The following KCNQ1OT1 variants were observed in gnomAD, a reference collection of about 807,000 sequenced individuals.
KCNQ1OT1 encodes KCNQ1 antisense RNA 2 (non-protein coding).
In KCNQ1OT1 at chr11:2,653,278, TG is replaced by T. The variant is rs1590008328; in HGVS notation, n.46716del. 5.0e-6 allele frequency: 2 copies of T among 398,732 alleles called. No homozygotes were observed. Among genetic ancestry groups the T allele is most frequent in the East Asian group, 3.6e-5 (1 of 28,080 alleles). 24.7% of individuals were successfully genotyped at this position (398,732 alleles called of 1,614,324 possible). On this transcript the variant is annotated non_coding_transcript_exon_variant, in exon 1 of 1. Coordinates refer to ENST00000597346, the Ensembl canonical transcript of KCNQ1OT1. This position sits in a 1 kb window ranked among gnomAD's most constrained non-coding sequence, Gnocchi z 5.3. ...CCCTGCCCTCTGCCCTGAAAACTAG[TG>T]GGGGCAGTGCAGACCAGTTTAGCTA...
chr11:2,699,196 G>A (rs1012833750), exon 1 of KCNQ1OT1: 6 of 398,584 alleles, frequency 1.5e-5, no homozygotes, highest in Non-Finnish European at 2.7e-5. Context: ...TCCGATCCTT[G>A]GGACGCGGCC....
At chr11:2,629,208 T>C (rs1451084004) in exon 1 of KCNQ1OT1, 2 of 398,284 alleles carry the variant, frequency 5.0e-6, no homozygotes, top group African/African-American at 4.1e-5. Context: ...GCAATATTTA[T>C]TCTATTGATC....
chr11:2,663,224 G>A lies in KCNQ1OT1; in HGVS notation n.36771C>T, dbSNP rs956950345. On this transcript the variant is annotated non_coding_transcript_exon_variant, in exon 1 of 1. Transcript: ENST00000597346. The surrounding 1 kb of genome is among the most constrained non-coding windows in gnomAD (Gnocchi z 5.2). ...GGTAGGGTGTGAAGAGGCTCCAAGG[G>A]AGCCAGCAGATCACTGGAAAGCAGG... 34 of 398,624 alleles carry A rather than the reference G, an allele frequency of 8.5e-5. No individual in the cohort carries two copies. Among genetic ancestry groups the A allele is most frequent in the Middle Eastern group, 6.2e-4 (1 of 1,610 alleles). 24.7% of individuals were successfully genotyped at this position (398,624 alleles called of 1,614,324 possible). A position where few individuals can be genotyped will look rare whatever the true frequency, so the allele number is the denominator to read the frequency against.
chr11:2,666,953 C>T, exon 1 of KCNQ1OT1: 1 of 398,760 alleles, frequency 2.5e-6, no homozygotes, highest in East Asian at 3.6e-5. Context: ...CACGAGATGC[C>T]AAGGAAGCCC....
chr11:2,644,506 A>C (rs1015294790), exon 1 of KCNQ1OT1: 2 of 398,218 alleles, frequency 5.0e-6, no homozygotes, highest in African/African-American at 4.1e-5. Flanking sequence ...TGTATAGTCT[A>C]TCAGATCTTC....
Position 2,687,375 on chromosome 11 carries a change from G to A in KCNQ1OT1, n.12620C>T, listed in dbSNP as rs1850508385. 5.0e-6 allele frequency: 2 copies of A among 398,710 alleles called. No homozygotes were observed. The highest frequency in any genetic ancestry group is 8.8e-6 in the Non-Finnish European group (2 of 226,116). 24.7% of individuals were successfully genotyped at this position (398,710 alleles called of 1,614,324 possible). On this transcript the variant is annotated non_coding_transcript_exon_variant, in exon 1 of 1. Coordinates refer to ENST00000597346, the Ensembl canonical transcript of KCNQ1OT1. The surrounding 1 kb of genome is among the most constrained non-coding windows in gnomAD (Gnocchi z 5.0). ...CAGGTCTGCCTTGGGCTGTCACTCA[G>A]GGCTGAGCTCTGCTGAAGGATCTGG...
chr11:2,615,190 TTGGG>T, exon 1 of KCNQ1OT1: 1 of 398,248 alleles, frequency 2.5e-6, no homozygotes, highest in Non-Finnish European at 4.4e-6. Flanking sequence ...GACTTCCTTC[TTGGG>T]CTGTTCATTC....
Position 2,669,072 on chromosome 11 carries a change from G to A in KCNQ1OT1, n.30923C>T. On this transcript the variant is annotated non_coding_transcript_exon_variant, in exon 1 of 1. Coordinates refer to ENST00000597346, the Ensembl canonical transcript of KCNQ1OT1. The surrounding 1 kb of genome is among the most constrained non-coding windows in gnomAD (Gnocchi z 5.6). ...AGGCCCGTCCTCTCCCAACTACCCT[G>A]CCGTATCAGTGTCTTTACAATCAGC... is the stretch of plus-strand genomic sequence containing the variant. The A allele has an allele frequency of 2.5e-6, 1 of 398,718 alleles. No homozygotes were observed. The highest frequency in any genetic ancestry group is 4.4e-6 in the Non-Finnish European group (1 of 226,110). 24.7% of individuals were successfully genotyped at this position (398,718 alleles called of 1,614,324 possible).
rs1360322703 is a variant in KCNQ1OT1, at chr11:2,654,983, A to G, written n.45012T>C. 5.0e-6 allele frequency: 2 copies of G among 398,536 alleles called. No homozygotes were observed. The highest frequency in any genetic ancestry group is 8.8e-6 in the Non-Finnish European group (2 of 226,088). 24.7% of individuals were successfully genotyped at this position (398,536 alleles called of 1,614,324 possible). A position where few individuals can be genotyped will look rare whatever the true frequency, so the allele number is the denominator to read the frequency against. On this transcript the variant is annotated non_coding_transcript_exon_variant, in exon 1 of 1. Transcript: ENST00000597346. The surrounding 1 kb of genome is among the most constrained non-coding windows in gnomAD (Gnocchi z 6.4). The stretch of plus-strand genomic sequence containing the variant: ...CTTGACTTGGAAAAGTATCATGCAA[A>G]ATAGAAAACACAGACACAATAAGGA...
exon 1 of KCNQ1OT1, chr11:2,696,473 T>C (rs1315135459): frequency 2.5e-6 from 1 of 398,584 alleles, no homozygotes; most frequent in Non-Finnish European, 4.4e-6. Flanking sequence ...ATTGCTGAAG[T>C]TGGCGTGTGC....
chr11:2,650,884 G>A, exon 1 of KCNQ1OT1: 1 of 398,620 alleles, frequency 2.5e-6, no homozygotes, highest in Non-Finnish European at 4.4e-6. Flanking sequence ...GAGGGGATGA[G>A]GAGCAGCATG....
rs1225097070 is a variant in KCNQ1OT1, at chr11:2,679,559, T to G, written n.20436A>C. 2.5e-6 allele frequency: 1 copy of G among 398,528 alleles called. No homozygotes were observed. Among genetic ancestry groups the G allele is most frequent in the Non-Finnish European group, 4.4e-6 (1 of 226,074 alleles). The allele number at this position is 398,528 out of a possible 1,614,324, so 24.7% of individuals were successfully genotyped here. A position where few individuals can be genotyped will look rare whatever the true frequency, so the allele number is the denominator to read the frequency against. ...GGCCATTCCATCCATTGTAATCATG[T>G]GTACCATGCAATTCACAGTGCCTGA... On this transcript the variant is annotated non_coding_transcript_exon_variant, in exon 1 of 1. Coordinates refer to ENST00000597346, the Ensembl canonical transcript of KCNQ1OT1. This position sits in a 1 kb window ranked among gnomAD's most constrained non-coding sequence, Gnocchi z 4.8.
exon 1 of KCNQ1OT1, chr11:2,675,417 A>T (rs1850276405): frequency 5.0e-6 from 2 of 398,546 alleles, no homozygotes; most frequent in Non-Finnish European, 8.8e-6. Flanking sequence ...TGAAAAATAT[A>T]TTGTCATTTT....
chr11:2,669,060 C>T lies in KCNQ1OT1; in HGVS notation n.30935G>A, dbSNP rs1034854356. 2.8e-5 allele frequency: 11 copies of T among 398,586 alleles called. No homozygotes were observed. Among genetic ancestry groups the T allele is most frequent in the Non-Finnish European group, 4.9e-5 (11 of 226,120 alleles). The allele number at this position is 398,586 out of a possible 1,614,324, so 24.7% of individuals were successfully genotyped here. ...CCCGGCATGGGAAGGCCCGTCCTCT[C>T]CCAACTACCCTGCCGTATCAGTGTC... On this transcript the variant is annotated non_coding_transcript_exon_variant, in exon 1 of 1. Transcript: ENST00000597346. This position sits in a 1 kb window ranked among gnomAD's most constrained non-coding sequence, Gnocchi z 5.6.
rs920595305 is a variant in KCNQ1OT1, at chr11:2,627,083, T to C, written n.72912A>G. 1.0e-5 allele frequency: 4 copies of C among 398,490 alleles called. No individual in the cohort carries two copies. Among genetic ancestry groups the C allele is most frequent in the Non-Finnish European group, 1.8e-5 (4 of 226,070 alleles). The allele number at this position is 398,490 out of a possible 1,614,324, so 24.7% of individuals were successfully genotyped here. Reference sequence around the variant, plus strand: ...GGAGGTGTTTTCCCTTTATGTCTACTTTAATTTCTTTCAGCATTGTTTTGT... The same window carrying C: ...GGAGGTGTTTTCCCTTTATGTCTACCTTAATTTCTTTCAGCATTGTTTTGT... On this transcript the variant is annotated non_coding_transcript_exon_variant, in exon 1 of 1. Transcript: ENST00000597346. This position sits in a 1 kb window ranked among gnomAD's most constrained non-coding sequence, Gnocchi z 4.9.
At position 2,645,379 on chromosome 11, in the gene KCNQ1OT1, G is replaced by C; in HGVS notation, n.54616C>G. The C allele has an allele frequency of 2.5e-6, 1 of 398,780 alleles. No individual in the cohort carries two copies. 24.7% of individuals were successfully genotyped at this position (398,780 alleles called of 1,614,324 possible). A position where few individuals can be genotyped will look rare whatever the true frequency, so the allele number is the denominator to read the frequency against. On this transcript the variant is annotated non_coding_transcript_exon_variant, in exon 1 of 1. Coordinates refer to ENST00000597346, the Ensembl canonical transcript of KCNQ1OT1. The surrounding 1 kb of genome is among the most constrained non-coding windows in gnomAD (Gnocchi z 5.8). Reference sequence around the variant, plus strand: ...ATGCGCTGGCACTGGGAGAAAAGAGGGTGGGACCAGGCCAGGTGGGCCTGT... The same window carrying C: ...ATGCGCTGGCACTGGGAGAAAAGAGCGTGGGACCAGGCCAGGTGGGCCTGT...
Position 2,670,663 on chromosome 11 carries a change from T to A in KCNQ1OT1, n.29332A>T. The A allele has an allele frequency of 5.0e-6, 2 of 398,452 alleles. No homozygotes were observed. The highest frequency in any genetic ancestry group is 8.8e-6 in the Non-Finnish European group (2 of 226,090). 24.7% of individuals were successfully genotyped at this position (398,452 alleles called of 1,614,324 possible). A position where few individuals can be genotyped will look rare whatever the true frequency, so the allele number is the denominator to read the frequency against. On this transcript the variant is annotated non_coding_transcript_exon_variant, in exon 1 of 1. Transcript: ENST00000597346. This position sits in a 1 kb window ranked among gnomAD's most constrained non-coding sequence, Gnocchi z 4.9. ...GGCCAGGATGAACCCTGAAGATTGGTAGGAAGGCAGTGTAGCAGTAACAAG... is the reference window on the plus strand; with the variant it reads ...GGCCAGGATGAACCCTGAAGATTGGAAGGAAGGCAGTGTAGCAGTAACAAG...
chr11:2,641,004 T>C (rs947421713), exon 1 of KCNQ1OT1: 1 of 398,576 alleles, frequency 2.5e-6, no homozygotes. Context: ...ATTTCATTCT[T>C]CTTTGGTCAA....
chr11:2,684,725 C>T (rs557984226), exon 1 of KCNQ1OT1: 1 of 398,592 alleles, frequency 2.5e-6, no homozygotes, highest in African/African-American at 2.1e-5. Flanking sequence ...TGGAGAGAAC[C>T]CAGGGTAGGT....
Sources: gnomAD v4.1 joint callset for allele counts on GRCh38, gnomAD v4.1.1 for gene constraint, Gnocchi (gnomAD v3.1) non-coding constraint, MANE v1.5 for transcripts, NCBI Gene and HGNC (gene_info 2026-07-23, HGNC 2026-07-21) for gene names.